Variants in NPSR1 observed in about 807,000 individuals in gnomAD.
NPSR1 encodes the protein neuropeptide S receptor.
In NPSR1, 48 loss-of-function variants were observed where a neutral mutation model predicts 46.9. The observed-to-expected ratio is 1.02, with a 90% CI of 0.81 to 1.30. The LOEUF is 1.30. Ranked by LOEUF, NPSR1 falls within the 50% of genes most tolerant of loss-of-function variation. NPSR1 has a pLI of 0.00. For synonymous variants in NPSR1, 176 were observed against 168.1 expected (o/e 1.05, Z -0.36); for missense variants, 450 against 449.5 (o/e 1.00, Z -0.01).
intron 2 of NPSR1, among the ~76,000 whole-genome samples, chr7:34,716,429 G>A (rs1389423270): frequency 6.6e-6 from 1 of 152,162 alleles, no homozygotes; most frequent in Non-Finnish European, 1.5e-5. Flanking sequence ...TTGGGAGCAG[G>A]ATGAAGACAC....
At chr7:34,705,683 T>C (rs1794070553) in intron 2 of NPSR1, among the ~76,000 whole-genome samples, 1 of 152,154 alleles carries the variant, frequency 6.6e-6, no homozygotes, top group Admixed American at 6.5e-5. Context: ...GCTAATGTGA[T>C]ATTAATATTA....
intron 2 of NPSR1, among the ~76,000 whole-genome samples, chr7:34,704,612 C>A (rs73691494): frequency 6.8e-4 from 103 of 152,272 alleles, no homozygotes; most frequent in African/African-American, 2.3e-3. Context: ...TGAGAACAAG[C>A]AATGGCTATT....
At chr7:34,841,946 C>T (rs1790579651) in intron 6 of NPSR1, among the ~76,000 whole-genome samples, 2 of 152,326 alleles carry the variant, frequency 1.3e-5, no homozygotes, top group South Asian at 4.1e-4. Context: ...TATAATCTCA[C>T]CCAGATCATT....
intron 1 of NPSR1, among the ~76,000 whole-genome samples, chr7:34,663,067 C>CTCTCTCTGTGTGTGTGTGTG (rs35826710): frequency 6.0e-5 from 6 of 99,426 alleles, no homozygotes; most frequent in Middle Eastern, 4.7e-3. Context: ...CTCTCTCTCT[C>CTCTCTCTGTGTGTGTGTGTG]TGTGTGTGTG....
intron 2 of NPSR1, among the ~76,000 whole-genome samples, chr7:34,766,563 C>G (rs1330627730): frequency 1.3e-5 from 2 of 151,558 alleles, no homozygotes; most frequent in East Asian, 3.9e-4. Flanking sequence ...ATTTCAAAGG[C>G]ATTATGATGA....
intron 2 of NPSR1, among the ~76,000 whole-genome samples, chr7:34,689,789 T>A (rs890820704): frequency 8.7e-5 from 13 of 150,174 alleles, no homozygotes; most frequent in African/African-American, 3.2e-4. Flanking sequence ...GCAAAAAATT[T>A]TTAAAATTAG....
At chr7:34,831,320 C>A (rs1790107498) in intron 5 of NPSR1, among the ~76,000 whole-genome samples, 1 of 150,550 alleles carries the variant, frequency 6.6e-6, no homozygotes, top group African/African-American at 2.5e-5. Flanking sequence ...ACATCACACA[C>A]ACACACACAC....
intron 1 of NPSR1, among the ~76,000 whole-genome samples, chr7:34,672,540 T>C (rs34467177): frequency 5.7e-4 from 87 of 152,246 alleles, no homozygotes; most frequent in African/African-American, 2.0e-3. Flanking sequence ...ACATTGTTAA[T>C]AAAGCATGAT....
At chr7:34,772,165 A>G (rs1034823830) in intron 2 of NPSR1, among the ~76,000 whole-genome samples, 2 of 152,230 alleles carry the variant, frequency 1.3e-5, no homozygotes, top group Non-Finnish European at 2.9e-5. Flanking sequence ...CACTTGCTGC[A>G]TGCCATACCC....
At chr7:34,758,284 A>T (rs192198856) in intron 2 of NPSR1, 2 of 152,296 alleles carry the variant, frequency 1.3e-5, no homozygotes, top group Admixed American at 6.5e-5. Context: ...CTCCCCAGAG[A>T]GTGTGAAGTT....
chr7:34,667,835 C>T (rs1791828520), intron 1 of NPSR1, among the ~76,000 whole-genome samples: 1 of 151,810 alleles, frequency 6.6e-6, no homozygotes, highest in African/African-American at 2.4e-5. Context: ...AAAAACAGTT[C>T]TGTCTCCCCC....
At chr7:34,839,499 C>T (rs1361903748) in intron 6 of NPSR1, among the ~76,000 whole-genome samples, 1 of 152,130 alleles carries the variant, frequency 6.6e-6, no homozygotes, top group South Asian at 2.1e-4. Flanking sequence ...TCCTTGCTAC[C>T]TGCTGCCTGC....
At chr7:34,672,578 A>G (rs995895682) in intron 1 of NPSR1, among the ~76,000 whole-genome samples, 1 of 152,086 alleles carries the variant, frequency 6.6e-6, no homozygotes, top group African/African-American at 2.4e-5. Context: ...GATGATAAAA[A>G]CTCCAAACCA....
chr7:34,862,460 G>A (rs1419695087), intron 8 of NPSR1, among the ~76,000 whole-genome samples: 3 of 151,758 alleles, frequency 2.0e-5, no homozygotes, highest in Non-Finnish European at 4.4e-5. Context: ...GACTCTCTAT[G>A]TTACTTCTCT....
At chr7:34,782,817 C>T (rs1424328897) in intron 3 of NPSR1, among the ~76,000 whole-genome samples, 1 of 151,978 alleles carries the variant, frequency 6.6e-6, no homozygotes, top group Admixed American at 6.6e-5. Context: ...CAATGCTTGA[C>T]CAAAAAAATC....
rs1793247096 is a variant in NPSR1, at chr7:34,691,437, AG to A, written c.280+6754del. 2.0e-5 allele frequency among the ~76,000 whole-genome samples: 3 copies of A among 152,194 alleles called. No homozygotes were observed. The South Asian group carries it at 6.2e-4, about 32-fold the overall frequency. On this transcript the variant is annotated intron_variant, in intron 2 of 8. Coordinates refer to ENST00000360581, the MANE Select transcript of NPSR1 (RefSeq NM_207172.2). ...TATAGAGTGGAAAATTGGATTAAAA[AG>A]AGACTCAACTATCTGCTACCTACAA...
chr7:34,700,254 G>A (rs900298504), intron 2 of NPSR1, among the ~76,000 whole-genome samples: 2 of 152,168 alleles, frequency 1.3e-5, no homozygotes, highest in African/African-American at 4.8e-5. Context: ...GATATGTTTA[G>A]AAAGCAAGAT....
At position 34,744,310 on chromosome 7, in the gene NPSR1, G is replaced by C. The variant is rs76335192; in HGVS notation, c.281-34152G>C. Among the ~76,000 whole-genome samples the C allele has an allele frequency of 2.7e-4, 41 of 152,036 alleles. No homozygotes were observed. The East Asian group carries it at 7.9e-3, about 29-fold the overall frequency. The stretch of plus-strand genomic sequence containing the variant: ...GATTTTTCTTAATTAATATTTGTCT[G>C]GTATACCATTTTATTGTTGTTTTAA... On this transcript the variant is annotated intron_variant, in intron 2 of 8. Coordinates refer to ENST00000360581, the MANE Select transcript of NPSR1 (RefSeq NM_207172.2).
At chr7:34,713,897 C>T (rs1353358318) in intron 2 of NPSR1, among the ~76,000 whole-genome samples, 2 of 152,256 alleles carry the variant, frequency 1.3e-5, no homozygotes, top group East Asian at 1.9e-4. Flanking sequence ...GAACATCATT[C>T]ACATGAACAT....
Sources: gnomAD v4.1 joint callset for allele counts (sites outside exome capture counted in the v4.1 genomes callset) on GRCh38, gnomAD v4.1.1 for gene constraint, MANE v1.5 for transcripts, NCBI Gene and HGNC (gene_info 2026-07-23, HGNC 2026-07-21) for gene names.